The following SNX29 variants were observed in gnomAD, a reference collection of about 807,000 sequenced individuals.
SNX29 encodes sorting nexin-29.
In SNX29, 78 loss-of-function variants were observed where a neutral mutation model predicts 102.1. The observed-to-expected ratio is 0.76, with a 90% CI of 0.64 to 0.92. The LOEUF (loss-of-function observed/expected upper bound fraction) is 0.92. Ranked by LOEUF, SNX29 falls within the 40% of genes least tolerant of loss-of-function variation. The pLI, the probability that SNX29 is intolerant of heterozygous loss-of-function variation, is 0.00. For missense variants in SNX29, 1,280 were observed against 1,061.7 expected, an observed-to-expected ratio of 1.21 and a Z score of -2.86; for synonymous variants, 580 against 414.5, an observed-to-expected ratio of 1.40 and a Z score of -4.85.
chr16:12,356,282 G>A lies in SNX29; in HGVS notation c.1899+3G>A. The A allele has an allele frequency of 1.9e-6, 3 of 1,593,168 alleles. No homozygotes were observed. Among genetic ancestry groups the A allele is most frequent in the Non-Finnish European group, 2.6e-6 (3 of 1,170,396 alleles). ...AGCTCATCGATCTCCGGGGACCGGT[G>A]AGTGTTTCCCCAACCCTGTGTGTCT... is the stretch of plus-strand genomic sequence containing the variant. On this transcript the variant is annotated splice_donor_region_variant and intron_variant, in intron 16 of 20. Transcript: ENST00000566228.
intron 15 of SNX29, among the ~76,000 whole-genome samples, chr16:12,324,182 G>A (rs1567438836): frequency 6.6e-6 from 1 of 151,782 alleles, no homozygotes; most frequent in Non-Finnish European, 1.5e-5. Flanking sequence ...GCTTTTGGGG[G>A]GGTCCCATGA....
In SNX29 at chr16:12,572,357, A is replaced by T. The variant is rs867866783; in HGVS notation, c.*3728A>T. On this transcript the variant is annotated 3_prime_UTR_variant, in exon 21 of 21. Coordinates refer to ENST00000566228, the MANE Select transcript of SNX29 (RefSeq NM_032167.5). ...CCAGCCTGCCTGGTTGATGGACAGC[A>T]GGCTCTGCCTTCTGGAGGCGGCTTA... The T allele has an allele frequency of 1.0e-5, 11 of 1,063,034 alleles. No individual in the cohort carries two copies. In the Admixed American group the frequency reaches 5.4e-4, roughly 52 times the overall value. 65.9% of individuals were successfully genotyped at this position (1,063,034 alleles called of 1,614,324 possible).
intron 15 of SNX29, among the ~76,000 whole-genome samples, chr16:12,310,550 G>A (rs1445618897): frequency 2.0e-5 from 3 of 152,126 alleles, no homozygotes; most frequent in Non-Finnish European, 2.9e-5. Flanking sequence ...AGCATATGCT[G>A]TATGATTCCA....
chr16:12,525,039 A>G (rs1228690008), intron 20 of SNX29, among the ~76,000 whole-genome samples, 198 bp downstream of exon 20: 1 of 152,180 alleles, frequency 6.6e-6, no homozygotes, highest in Non-Finnish European at 1.5e-5. Flanking sequence ...GGATGGGAAG[A>G]GAGCAGGCCT....
At chr16:12,553,726 T>G (rs116338010) in intron 20 of SNX29, among the ~76,000 whole-genome samples, 1 of 151,476 alleles carries the variant, frequency 6.6e-6, no homozygotes, top group African/African-American at 2.4e-5. Context: ...CAGCTGGGAT[T>G]ATATGCACAT....
chr16:12,039,291 C>T (rs1388038305), intron 4 of SNX29, among the ~76,000 whole-genome samples: 2 of 152,150 alleles, frequency 1.3e-5, no homozygotes, highest in Non-Finnish European at 2.9e-5. Flanking sequence ...TAACCCTGGG[C>T]GATTCTGCAC....
At chr16:12,548,616 C>G (rs1022072033) in intron 20 of SNX29, among the ~76,000 whole-genome samples, 2 of 152,192 alleles carry the variant, frequency 1.3e-5, no homozygotes, top group Non-Finnish European at 2.9e-5. Context: ...TGTCCAAGCC[C>G]CACAGCAGAA....
rs559330637 is a variant in SNX29 at position 12,188,750 on chromosome 16, A to G, written c.1596-10851A>G. Among the ~76,000 whole-genome samples the G allele has an allele frequency of 3.3e-4, 50 of 152,232 alleles. 1 individual carries two copies. The highest frequency in any genetic ancestry group is 2.9e-3 in the Admixed American group (45 of 15,292). On this transcript the variant is annotated intron_variant, in intron 13 of 20. Transcript: ENST00000566228. ...AATCAAACAAGCTTTTTACAGCTCC[A>G]TTTTCCACCCCCTCCAGCTGGCAGA...
rs569453018 is a variant in SNX29 at position 12,536,740 on chromosome 16, G to A, written c.2318+11899G>A. On this transcript the variant is annotated intron_variant, in intron 20 of 20. Coordinates refer to ENST00000566228, the MANE Select transcript of SNX29 (RefSeq NM_032167.5). ...CGCCTGTAATCTCAACACTTTGGGAGGTCAAGGCAGGCGGATCAGGAGGCC... is the reference window on the plus strand; with the variant it reads ...CGCCTGTAATCTCAACACTTTGGGAAGTCAAGGCAGGCGGATCAGGAGGCC... Among the ~76,000 whole-genome samples the A allele has an allele frequency of 9.8e-5, 15 of 152,300 alleles. No individual in the cohort carries two copies. In the South Asian group the frequency reaches 1.7e-3, roughly 17 times the overall value.
chr16:12,554,712 G>A (rs1401109302), intron 20 of SNX29, among the ~76,000 whole-genome samples: 2 of 152,160 alleles, frequency 1.3e-5, no homozygotes, highest in African/African-American at 2.4e-5. Context: ...CCTGGTGACA[G>A]CTGTCTTTCA....
chr16:12,553,758 TTTTTCC>T (rs1300211909), intron 20 of SNX29, among the ~76,000 whole-genome samples: 1 of 150,576 alleles, frequency 6.6e-6, no homozygotes, highest in African/African-American at 2.4e-5. Context: ...CAGCCTAGTT[TTTTTCC>T]TTAAGTACAG....
chr16:12,280,859 T>C (rs2079408218), intron 15 of SNX29, among the ~76,000 whole-genome samples: 1 of 152,230 alleles, frequency 6.6e-6, no homozygotes, highest in African/African-American at 2.4e-5. Flanking sequence ...AAAGTTGATA[T>C]AGTTTCTTTC....
At chr16:11,984,601 A>G (rs1033555753) in intron 1 of SNX29, among the ~76,000 whole-genome samples, 2 of 151,686 alleles carry the variant, frequency 1.3e-5, no homozygotes, top group African/African-American at 2.4e-5. Context: ...AACTTAGCCT[A>G]TCTTCCTCTC....
At chr16:12,254,587 G>T (rs796303359) in intron 14 of SNX29, among the ~76,000 whole-genome samples, 1 of 152,036 alleles carries the variant, frequency 6.6e-6, no homozygotes, top group South Asian at 2.1e-4. Flanking sequence ...GTTGCAGTGA[G>T]CTGAGATTGC....
intron 20 of SNX29, among the ~76,000 whole-genome samples, chr16:12,540,747 A>G (rs1398070059): frequency 1.3e-5 from 2 of 152,332 alleles, no homozygotes; most frequent in African/African-American, 4.8e-5. Flanking sequence ...TTGGGGCACC[A>G]TTGATCTTAC....
At chr16:12,020,314 A>G (rs1206251693) in intron 3 of SNX29, among the ~76,000 whole-genome samples, 4 of 151,938 alleles carry the variant, frequency 2.6e-5, no homozygotes, top group African/African-American at 9.7e-5. Flanking sequence ...TTGTAGAGAT[A>G]GGGTTTCAGG....
rs9934429 is a variant in SNX29 at position 12,163,807 on chromosome 16, G to C, written c.1595+34049G>C. Reference sequence around the variant, plus strand: ...AGAGAACGGACCATAAGCTGATGCAGGCTCTGTTTCTGGCTTGCTCGATGG... The same window carrying C: ...AGAGAACGGACCATAAGCTGATGCACGCTCTGTTTCTGGCTTGCTCGATGG... On this transcript the variant is annotated intron_variant, in intron 13 of 20. Coordinates refer to ENST00000566228, the MANE Select transcript of SNX29 (RefSeq NM_032167.5). Among the ~76,000 whole-genome samples the C allele has an allele frequency of 1.5e-3, 233 of 152,304 alleles. 1 individual carries two copies. The highest frequency in any genetic ancestry group is 5.4e-3 in the African/African-American group (226 of 41,562).
At chr16:12,138,219 T>C (rs1180470502) in intron 13 of SNX29, among the ~76,000 whole-genome samples, 1 of 150,512 alleles carries the variant, frequency 6.6e-6, no homozygotes, top group East Asian at 1.9e-4. Flanking sequence ...TTTTTTTTTT[T>C]TTTTTTGAGG....
intron 20 of SNX29, among the ~76,000 whole-genome samples, chr16:12,563,940 C>A (rs866378594): frequency 1.3e-5 from 2 of 152,232 alleles, no homozygotes; most frequent in African/African-American, 4.8e-5. Flanking sequence ...AGACGCTGAT[C>A]TTGTTCAAGA....
Sources: allele counts gnomAD v4.1 joint callset (sites outside exome capture counted in the v4.1 genomes callset), GRCh38; gene constraint gnomAD v4.1.1; transcripts MANE v1.5; gene names NCBI Gene and HGNC (gene_info 2026-07-23, HGNC 2026-07-21).